Variants in DEPDC1 observed in about 807,000 individuals in gnomAD.
The protein encoded by DEPDC1 is DEP domain containing 1.
DEPDC1 carries 66 observed loss-of-function variants against 86.8 expected under a neutral mutation model. The ratio of observed to expected loss-of-function variants is 0.76; its 90% CI spans 0.62 to 0.93. DEPDC1 has a LOEUF of 0.93. Among genes scored for constraint, DEPDC1 ranks in the 40% least tolerant of loss-of-function variants. DEPDC1 has a pLI of 0.00. For missense variants in DEPDC1, 792 were observed against 935.7 expected (o/e 0.85, Z 2.00); for synonymous variants, 255 against 314.9 (o/e 0.81, Z 2.02).
chr1:68,477,045 A>C lies in DEPDC1; in HGVS notation c.2323T>G (p.Tyr775Asp). 1 of 1,606,466 alleles carries C rather than the reference A, an allele frequency of 6.2e-7. No homozygotes were observed. Among genetic ancestry groups the C allele is most frequent in the East Asian group, 2.2e-5 (1 of 44,670 alleles). The change falls in exon 12 of 12, where the codon TAT becomes GAT. Residue 775 changes from tyrosine (Y) to aspartate (D), a missense_variant. Transcript: ENST00000456315. ...KQFQKEYPLI[Y>D]QKRFPTTESE... ...TCCGTGGTTGGAAATCTTTTCTGAT[A>C]TATCAAAGGATATTCCTTCTGAAAC...
Position 68,496,903 on chromosome 1 carries a change from T to C in DEPDC1, c.48+49A>G. ...GTCGAGGTAAAACTGCGAACAGTGG[T>C]GACTGCCGTCAGCCCGCTGACCGGT... is the stretch of plus-strand genomic sequence containing the variant. On this transcript the variant is annotated intron_variant, in intron 1 of 11. Transcript: ENST00000456315. This position sits in a 1 kb window ranked among gnomAD's most constrained non-coding sequence, Gnocchi z 4.0. 1 of 1,567,592 alleles carries C rather than the reference T, an allele frequency of 6.4e-7. No individual in the cohort carries two copies. The highest frequency in any genetic ancestry group is 8.7e-7 in the Non-Finnish European group (1 of 1,143,106).
intron 7 of DEPDC1, 107 bp from the exon 8 acceptor site, chr1:68,483,004 T>TAC: frequency 8.4e-7 from 1 of 1,193,872 alleles, no homozygotes; most frequent in Non-Finnish European, 1.2e-6. Context: ...ATAGTATATA[T>TAC]TGTTAGTATA....
At chr1:68,479,107 G>A (rs1646136444) in intron 10 of DEPDC1, 37 bp downstream of exon 10, 2 of 1,548,590 alleles carry the variant, frequency 1.3e-6, no homozygotes, top group Admixed American at 1.9e-5. Context: ...ACTTGCAACT[G>A]ACTATTGCAG....
rs1347396012 is a variant in DEPDC1 at position 68,482,353 on chromosome 1, T to G, written c.1455A>C (p.Arg485Ser). ...GGTCTTGAACAGTCAAAGTAGAGGT[T>G]CTCTTAAAACCAGCACTGAATGGCT... ...IQKPFSAGFK[R>S]TSTLTVQDQE... The change falls in exon 8 of 12, where the codon AGA becomes AGC. Residue 485 changes from arginine (R) to serine (S), a missense_variant. Transcript: ENST00000456315. 3 of 1,612,786 alleles carry G rather than the reference T, an allele frequency of 1.9e-6. No individual in the cohort carries two copies. Among genetic ancestry groups the G allele is most frequent in the Admixed American group, 1.7e-5 (1 of 59,784 alleles).
At chr1:68,492,894 TAAGAAGACAA>T (rs1166430293) in intron 2 of DEPDC1, among the ~76,000 whole-genome samples, 7 of 152,134 alleles carry the variant, frequency 4.6e-5, no homozygotes, top group Non-Finnish European at 8.8e-5. Context: ...ATAGGAAACC[TAAGAAGACAA>T]AACTTAGGTT....
At chr1:68,493,151 A>G (rs555861626) in intron 2 of DEPDC1, among the ~76,000 whole-genome samples, 1 of 152,334 alleles carries the variant, frequency 6.6e-6, no homozygotes, top group South Asian at 2.1e-4. Context: ...GCCCACAAAG[A>G]TAACTGGGGA....
chr1:68,477,754 T>C, intron 11 of DEPDC1, 33 bp downstream of exon 11: 1 of 1,319,018 alleles, frequency 7.6e-7, no homozygotes, highest in Non-Finnish European at 1.0e-6. Context: ...TTAGAAAATG[T>C]TTACATGATT....
At chr1:68,488,764 T>A (rs1255228900) in intron 4 of DEPDC1, 152 bp downstream of exon 4, 1 of 673,768 alleles carries the variant, frequency 1.5e-6, no homozygotes, top group Non-Finnish European at 2.6e-6. Flanking sequence ...ACTAGAGCTA[T>A]AACAAGAGTA....
At chr1:68,478,747 T>C (rs1026462321) in intron 10 of DEPDC1, among the ~76,000 whole-genome samples, 5 of 151,950 alleles carry the variant, frequency 3.3e-5, no homozygotes, top group Non-Finnish European at 5.9e-5. Flanking sequence ...AGTAAGGCCC[T>C]ATCTCCATCC....
chr1:68,484,864 T>C (rs1461002852), intron 6 of DEPDC1, among the ~76,000 whole-genome samples: 4 of 149,950 alleles, frequency 2.7e-5, no homozygotes, highest in Non-Finnish European at 5.9e-5. Flanking sequence ...GACCTAGAAA[T>C]GTTTGCTTCT....
In DEPDC1 at chr1:68,496,818, T is replaced by C; in HGVS notation, c.48+134A>G. ...TACCCGCTACTTCTCCTCGCCAGCC[T>C]TTTCACTGAACCTAGGGATCCTGGG... On this transcript the variant is annotated intron_variant, in intron 1 of 11. Coordinates refer to ENST00000456315, the MANE Select transcript of DEPDC1 (RefSeq NM_001114120.3). This position sits in a 1 kb window ranked among gnomAD's most constrained non-coding sequence, Gnocchi z 4.0. The C allele has an allele frequency of 2.3e-6, 2 of 867,644 alleles. No individual in the cohort carries two copies. Among genetic ancestry groups the C allele is most frequent in the Non-Finnish European group, 3.7e-6 (2 of 545,398 alleles). 53.7% of individuals were successfully genotyped at this position (867,644 alleles called of 1,614,324 possible).
intron 7 of DEPDC1, among the ~76,000 whole-genome samples, 180 bp downstream of exon 7, chr1:68,483,764 GGGAAGT>G (rs1646173924): frequency 6.6e-6 from 1 of 152,032 alleles, no homozygotes; most frequent in African/African-American, 2.4e-5. Flanking sequence ...AGGGGGTTGA[GGGAAGT>G]CCCGAATTGG....
chr1:68,489,096 A>C (rs1646212553), intron 3 of DEPDC1, 62 bp from the exon 4 acceptor site: 1 of 1,009,012 alleles, frequency 9.9e-7, no homozygotes, highest in Non-Finnish European at 1.6e-6. Context: ...ATTGAAAGCA[A>C]CAATAATTCT....
At chr1:68,491,319 C>A (rs113123238) in intron 2 of DEPDC1, among the ~76,000 whole-genome samples, 93 of 152,114 alleles carry the variant, frequency 6.1e-4, no homozygotes, top group African/African-American at 2.0e-3. Flanking sequence ...TTACAAGGAA[C>A]TTAAATTTAA....
intron 5 of DEPDC1, among the ~76,000 whole-genome samples, chr1:68,487,840 T>C (rs1043241288): frequency 8.6e-5 from 13 of 151,862 alleles, no homozygotes; most frequent in African/African-American, 3.1e-4. Context: ...GATTTTTGTA[T>C]CTAAATCTGA....
Position 68,479,251 on chromosome 1 carries a change from CAGCAAGA to C in DEPDC1, c.1998_2004del (p.Leu667GlufsTer3), listed in dbSNP as rs764031570. 3.7e-6 allele frequency: 6 copies of C among 1,612,506 alleles called. No individual in the cohort carries two copies. Among genetic ancestry groups the C allele is most frequent in the Non-Finnish European group, 4.2e-6 (5 of 1,179,144 alleles). On this transcript the variant is annotated frameshift_variant, in exon 10 of 12. Transcript: ENST00000456315. LOFTEE classifies it high-confidence loss of function. ...TCCATTAAGAAAGAAACTAATCTTC[CAGCAAGA>C]AGCTCATCAAGATCCACTTCTTCAG...
Position 68,482,252 on chromosome 1 carries a change from G to A in DEPDC1, c.1556C>T (p.Thr519Ile). The change falls in exon 8 of 12, where the codon ACA (threonine) becomes ATA (isoleucine). Residue 519 changes from threonine to isoleucine, a missense_variant. Thr to Ile is a moderately conservative substitution (Grantham distance 89). Transcript: ENST00000456315. ...RSQSLLLRSS[T>I]RRNSYINTPV... ...TGTATTGATATAACTATTCCTTCTT[G>A]TACTACTTCTTAAAAGCAAACTCTG... The A allele has an allele frequency of 1.2e-6, 2 of 1,612,560 alleles. No homozygotes were observed. The highest frequency in any genetic ancestry group is 1.7e-6 in the Non-Finnish European group (2 of 1,179,162).
chr1:68,477,731 C>A, intron 11 of DEPDC1, 56 bp downstream of exon 11: 3 of 1,137,030 alleles, frequency 2.6e-6, no homozygotes, highest in South Asian at 2.4e-5. Context: ...TATTAACAAC[C>A]AGGAACAGCA....
At chr1:68,493,692 C>G (rs1646243789) in intron 2 of DEPDC1, among the ~76,000 whole-genome samples, 1 of 152,138 alleles carries the variant, frequency 6.6e-6, no homozygotes, top group Non-Finnish European at 1.5e-5. Context: ...TAAATATTCT[C>G]TTTAACCTGT....
Sources: allele counts gnomAD v4.1 joint callset (sites outside exome capture counted in the v4.1 genomes callset), GRCh38; gene constraint gnomAD v4.1.1; non-coding constraint Gnocchi (gnomAD v3.1); transcripts MANE v1.5; gene names NCBI Gene and HGNC (gene_info 2026-07-23, HGNC 2026-07-21).